Variants in ENOX1 observed in about 807,000 individuals in gnomAD.
ENOX1 encodes the protein candidate growth-related and time keeping constitutive hydroquinone (NADH) oxidase.
A neutral mutation model predicts 82.5 loss-of-function variants in ENOX1; 42 were observed. That is an observed-to-expected ratio of 0.51 (90% CI 0.40 to 0.66). The LOEUF (loss-of-function observed/expected upper bound fraction) is 0.66. ENOX1 is among the 30% of genes least tolerant of loss of function. The probability of loss-of-function intolerance (pLI) is 0.00; values close to 1 mark genes in which losing one functional copy is unlikely to be tolerated. For synonymous variants in ENOX1, 271 were observed against 282.2 expected, an observed-to-expected ratio of 0.96 and a Z score of 0.40; for missense variants, 608 against 811.6, an observed-to-expected ratio of 0.75 and a Z score of 3.05.
chr13:43,470,720 G>C (rs1328502547), intron 3 of ENOX1, among the ~76,000 whole-genome samples: 1 of 151,514 alleles, frequency 6.6e-6, no homozygotes, highest in Non-Finnish European at 1.5e-5. Flanking sequence ...TAACTGCAAT[G>C]AACACTTTAC....
In ENOX1 at chr13:43,616,138, C is replaced by CTATAGATATATAGATATCTATCTATA. The variant is rs1364614503; in HGVS notation, c.-219+51340_-219+51341insTATAGATAGATATCTATATATCTATA. ...TATAGATCTATAGATATCTATCTAT[C>CTATAGATATATAGATATCTATCTATA]TAGATATCTATATAGATAGATATCT... On this transcript the variant is annotated intron_variant, in intron 2 of 16. Transcript: ENST00000690772. Among the ~76,000 whole-genome samples the CTATAGATATATAGATATCTATCTATA allele has an allele frequency of 3.7e-4, 8 of 21,636 alleles. 1 individual carries two copies. The highest frequency in any genetic ancestry group is 9.3e-4 in the Non-Finnish European group (8 of 8,618). 14.2% of individuals were successfully genotyped at this position (21,636 alleles called of 152,430 possible).
intron 14 of ENOX1, among the ~76,000 whole-genome samples, chr13:43,237,047 T>C (rs1409517944): frequency 2.0e-5 from 3 of 152,256 alleles, no homozygotes; most frequent in East Asian, 3.8e-4. Flanking sequence ...TGTTTGATTA[T>C]AGCTACTTTA....
At chr13:43,438,635 C>A (rs574804413) in intron 3 of ENOX1, among the ~76,000 whole-genome samples, 4 of 152,164 alleles carry the variant, frequency 2.6e-5, no homozygotes, top group African/African-American at 9.7e-5. Context: ...TATCTGTCCC[C>A]TGGATGGCTA....
intron 2 of ENOX1, among the ~76,000 whole-genome samples, chr13:43,532,334 T>C (rs1220558315): frequency 3.3e-5 from 5 of 152,152 alleles, no homozygotes; most frequent in Non-Finnish European, 2.9e-5. Context: ...GTGGACTTTT[T>C]TTACATTTTA....
At chr13:43,779,895 A>G (rs565830064) in intron 1 of ENOX1, among the ~76,000 whole-genome samples, 85 of 152,200 alleles carry the variant, frequency 5.6e-4, no homozygotes, top group South Asian at 1.7e-3. Context: ...GGTGGCTCAC[A>G]CCTGTAATCC....
chr13:43,265,130 G>T (rs1415952185), intron 14 of ENOX1, among the ~76,000 whole-genome samples: 3 of 152,182 alleles, frequency 2.0e-5, no homozygotes, highest in Non-Finnish European at 2.9e-5. Context: ...TATAGTTTTG[G>T]AAATACAAAG....
chr13:43,632,449 C>A (rs908842839), intron 2 of ENOX1, among the ~76,000 whole-genome samples: 2 of 151,040 alleles, frequency 1.3e-5, no homozygotes, highest in African/African-American at 2.4e-5. Context: ...CTATTATAAT[C>A]TTAATTTTTT....
At chr13:43,662,003 T>A (rs571613822) in intron 2 of ENOX1, among the ~76,000 whole-genome samples, 20 of 148,450 alleles carry the variant, frequency 1.3e-4, no homozygotes, top group Admixed American at 1.1e-3. Context: ...GATTTTTTTT[T>A]ATAGACAGCA....
intron 2 of ENOX1, among the ~76,000 whole-genome samples, chr13:43,666,930 G>A (rs912394142): frequency 6.6e-6 from 1 of 152,074 alleles, no homozygotes; most frequent in Non-Finnish European, 1.5e-5. Flanking sequence ...TAACCCAATG[G>A]GGACTGTTTA....
chr13:43,369,541 AATG>A (rs1212259203), intron 5 of ENOX1, among the ~76,000 whole-genome samples: 5 of 152,204 alleles, frequency 3.3e-5, no homozygotes, highest in African/African-American at 1.2e-4. Context: ...AAAGTTGACA[AATG>A]CTAAGTGACC....
At chr13:43,486,994 G>A (rs1418962456) in intron 2 of ENOX1, among the ~76,000 whole-genome samples, 1 of 152,134 alleles carries the variant, frequency 6.6e-6, no homozygotes, top group Admixed American at 6.6e-5. Flanking sequence ...CCAACATGAT[G>A]AAACCCCGTC....
intron 1 of ENOX1, among the ~76,000 whole-genome samples, chr13:43,756,298 A>G (rs965962265): frequency 6.6e-6 from 1 of 151,886 alleles, no homozygotes; most frequent in Non-Finnish European, 1.5e-5. Context: ...GTGGTGGCTC[A>G]TGCCTGCAGT....
intron 9 of ENOX1, among the ~76,000 whole-genome samples, chr13:43,341,854 G>A (rs1214728491): frequency 6.6e-6 from 1 of 152,196 alleles, no homozygotes; most frequent in Non-Finnish European, 1.5e-5. Context: ...AGTTAGGCAT[G>A]GCCAGGTATA....
chr13:43,365,203 T>G (rs970614388), intron 5 of ENOX1, among the ~76,000 whole-genome samples: 4 of 152,118 alleles, frequency 2.6e-5, no homozygotes, highest in African/African-American at 9.7e-5. Flanking sequence ...GTCTCATATT[T>G]GAGATGAGAA....
At chr13:43,351,761 AT>A (rs1471581457) in intron 8 of ENOX1, among the ~76,000 whole-genome samples, 1 of 151,216 alleles carries the variant, frequency 6.6e-6, no homozygotes, top group Non-Finnish European at 1.5e-5. Context: ...TGAACTCATC[AT>A]TTTTTATGGC....
chr13:43,491,499 T>G (rs2076617751), intron 2 of ENOX1, among the ~76,000 whole-genome samples: 1 of 152,234 alleles, frequency 6.6e-6, no homozygotes, highest in Non-Finnish European at 1.5e-5. Flanking sequence ...CAGGGCACTG[T>G]GGCTCATGCC....
intron 2 of ENOX1, among the ~76,000 whole-genome samples, chr13:43,487,009 C>T (rs2076448528): frequency 6.6e-6 from 1 of 152,010 alleles, no homozygotes; most frequent in Non-Finnish European, 1.5e-5. Flanking sequence ...CCCGTCTCTA[C>T]TAAATACAAA....
chr13:43,449,152 T>C (rs2056817992), intron 3 of ENOX1, among the ~76,000 whole-genome samples: 1 of 152,208 alleles, frequency 6.6e-6, no homozygotes, highest in African/African-American at 2.4e-5. Flanking sequence ...GGCTTATCAA[T>C]CCATTCCATT....
intron 2 of ENOX1, among the ~76,000 whole-genome samples, chr13:43,552,769 A>T (rs1427102894): frequency 1.3e-5 from 2 of 152,200 alleles, no homozygotes; most frequent in African/African-American, 4.8e-5. Flanking sequence ...GTCTTAATAC[A>T]TGAAGGTAAG....
Sources: allele counts gnomAD v4.1 joint callset (sites outside exome capture counted in the v4.1 genomes callset), GRCh38; gene constraint gnomAD v4.1.1; transcripts MANE v1.5; gene names NCBI Gene and HGNC (gene_info 2026-07-23, HGNC 2026-07-21).